Variants in NAALADL2 observed in about 807,000 individuals in gnomAD.
NAALADL2 encodes N-acetylated alpha-linked acidic dipeptidase like 2, also known as inactive N-acetylated-alpha-linked acidic dipeptidase-like protein 2.
In NAALADL2, 76 loss-of-function variants were observed where a neutral mutation model predicts 87.2. That is an observed-to-expected ratio of 0.87 (90% CI 0.72 to 1.05). NAALADL2 has a LOEUF of 1.05. NAALADL2 is among the 50% of genes least tolerant of loss of function. The pLI is 0.00. For missense variants in NAALADL2, 1,089 were observed against 945.8 expected, an observed-to-expected ratio of 1.15 and a Z score of -1.99; for synonymous variants, 354 against 331.0, an observed-to-expected ratio of 1.07 and a Z score of -0.75.
intron 6 of NAALADL2, among the ~76,000 whole-genome samples, chr3:175,456,796 A>T (rs574181678): frequency 4.6e-5 from 7 of 151,990 alleles, no homozygotes; most frequent in Non-Finnish European, 1.0e-4. Flanking sequence ...TCCCAGTAAC[A>T]TCCTAAATTA....
At chr3:174,787,576 C>CATATATATATATATATATATATATAT (rs71300440) in intron 3 of NAALADL2, among the ~76,000 whole-genome samples, 1 of 14,728 alleles carries the variant, frequency 6.8e-5, no homozygotes, top group Non-Finnish European at 1.5e-4. Flanking sequence ...AATATATCAT[C>CATATATATATATATATATATATATAT]ATATATATAT....
chr3:175,292,851 C>T (rs1200688131), intron 4 of NAALADL2, among the ~76,000 whole-genome samples: 1 of 151,740 alleles, frequency 6.6e-6, no homozygotes, highest in Non-Finnish European at 1.5e-5. Flanking sequence ...TCCTGGCTAA[C>T]ACGGTGAAAC....
intron 2 of NAALADL2, among the ~76,000 whole-genome samples, chr3:175,126,856 CTTT>C (rs201786673): frequency 8.8e-4 from 124 of 140,308 alleles, no homozygotes; most frequent in African/African-American, 3.1e-3. Context: ...TTCAAGCTAC[CTTT>C]TTTTTTTTTT....
chr3:174,601,427 C>T (rs1179514445), intron 2 of NAALADL2, among the ~76,000 whole-genome samples: 1 of 152,040 alleles, frequency 6.6e-6, no homozygotes, highest in Non-Finnish European at 1.5e-5. Context: ...ACCTGTTTGC[C>T]ATTTGTATGT....
At position 174,937,370 on chromosome 3, in the gene NAALADL2, G is replaced by A. The variant is rs115100967; in HGVS notation, c.43+77920G>A. Reference sequence around the variant, plus strand: ...GTGGTTCCAAAGTTAGTGATTTAGGGCTTTTCAGTAGACAGTAGAATGAAA... The same window carrying A: ...GTGGTTCCAAAGTTAGTGATTTAGGACTTTTCAGTAGACAGTAGAATGAAA... On this transcript the variant is annotated intron_variant, in intron 1 of 13. Transcript: ENST00000454872. 1.5e-3 allele frequency among the ~76,000 whole-genome samples: 222 copies of A among 152,114 alleles called. 2 individuals are homozygous for A. The highest frequency in any genetic ancestry group is 2.2e-3 in the Non-Finnish European group (147 of 67,904).
chr3:175,114,253 G>A (rs1724722815), intron 2 of NAALADL2, among the ~76,000 whole-genome samples: 1 of 151,588 alleles, frequency 6.6e-6, no homozygotes, highest in Admixed American at 6.6e-5. Context: ...CTCATTGGAG[G>A]ACTATTAAAT....
At chr3:174,608,896 T>C (rs1436877124) in intron 2 of NAALADL2, among the ~76,000 whole-genome samples, 1 of 151,944 alleles carries the variant, frequency 6.6e-6, no homozygotes, top group Non-Finnish European at 1.5e-5. Context: ...TTGATGAACA[T>C]TGATGCAAAA....
chr3:175,317,632 T>C (rs1319372431), intron 4 of NAALADL2, among the ~76,000 whole-genome samples: 1 of 152,090 alleles, frequency 6.6e-6, no homozygotes, highest in Non-Finnish European at 1.5e-5. Flanking sequence ...TGGTTATAGA[T>C]GGATAAGTGG....
In NAALADL2 at chr3:175,338,622, AACACACACACACAC is replaced by A. The variant is rs202022603; in HGVS notation, c.1090+14325_1090+14338del. 5.9e-4 allele frequency among the ~76,000 whole-genome samples: 52 copies of A among 88,468 alleles called. No individual in the cohort carries two copies. The South Asian group carries it at 8.2e-3, about 14-fold the overall frequency. The allele number at this position is 88,468 out of a possible 152,430, so 58.0% of individuals were successfully genotyped here. On this transcript the variant is annotated intron_variant, in intron 5 of 13. Coordinates refer to ENST00000454872, the MANE Select transcript of NAALADL2 (RefSeq NM_207015.3). ...AAAAAAAAAAAAAAAAAACACCACAAACACACACACACACACACACACACACACACACACACACA... is the reference window on the plus strand; with the variant it reads ...AAAAAAAAAAAAAAAAAACACCACAAACACACACACACACACACACACACA...
At chr3:174,600,555 T>C (rs1220162743) in intron 2 of NAALADL2, among the ~76,000 whole-genome samples, 1 of 152,260 alleles carries the variant, frequency 6.6e-6, no homozygotes, top group East Asian at 1.9e-4. Context: ...ATTTTTAATT[T>C]TTGTGAGTAC....
At chr3:174,794,430 G>A (rs1380111599) in intron 3 of NAALADL2, among the ~76,000 whole-genome samples, 1 of 151,774 alleles carries the variant, frequency 6.6e-6, no homozygotes, top group Non-Finnish European at 1.5e-5. Context: ...TGAAGGATGG[G>A]GAATGAAAGA....
At chr3:175,795,422 C>T (rs572700224) in intron 13 of NAALADL2, among the ~76,000 whole-genome samples, 48 of 152,074 alleles carry the variant, frequency 3.2e-4, no homozygotes, top group Admixed American at 3.3e-4. Flanking sequence ...GCCTGTAATC[C>T]CAGCATTTTG....
At chr3:175,169,346 C>T (rs182606680) in intron 2 of NAALADL2, among the ~76,000 whole-genome samples, 19 of 151,402 alleles carry the variant, frequency 1.3e-4, no homozygotes, top group African/African-American at 3.1e-4. Context: ...TTTAAGTTCT[C>T]GTTCTGCTAC....
At chr3:175,205,617 G>A (rs1319573354) in intron 2 of NAALADL2, among the ~76,000 whole-genome samples, 1 of 152,082 alleles carries the variant, frequency 6.6e-6, no homozygotes, top group Non-Finnish European at 1.5e-5. Context: ...AAACTAAAGA[G>A]CTTTTGCATG....
chr3:175,466,081 C>T (rs368682051), intron 7 of NAALADL2, among the ~76,000 whole-genome samples: 9 of 152,292 alleles, frequency 5.9e-5, no homozygotes, highest in African/African-American at 2.2e-4. Flanking sequence ...CAACTAGTGA[C>T]TTGCACAGCC....
At chr3:174,927,539 T>C (rs1736251666) in intron 1 of NAALADL2, among the ~76,000 whole-genome samples, 2 of 152,094 alleles carry the variant, frequency 1.3e-5, no homozygotes, top group African/African-American at 4.8e-5. Flanking sequence ...AAACTAGAAC[T>C]CAGGTTTAAG....
At chr3:175,097,694 C>G (rs1325690505) in intron 2 of NAALADL2, among the ~76,000 whole-genome samples, 1 of 152,020 alleles carries the variant, frequency 6.6e-6, no homozygotes, top group Non-Finnish European at 1.5e-5. Flanking sequence ...GCTTTATGGG[C>G]TGAAGTAACT....
chr3:175,699,580 T>G (rs142198022), intron 11 of NAALADL2, among the ~76,000 whole-genome samples: 13 of 152,166 alleles, frequency 8.5e-5, no homozygotes, highest in African/African-American at 2.9e-4. Context: ...AGAAATTCAC[T>G]TCTCCGATTA....
At chr3:174,814,195 A>AC (rs932916635) in intron 3 of NAALADL2, among the ~76,000 whole-genome samples, 1 of 151,618 alleles carries the variant, frequency 6.6e-6, no homozygotes, top group South Asian at 2.1e-4. Flanking sequence ...TGCAAGCTCC[A>AC]CCCCCCGGGT....
Sources: gnomAD v4.1 joint callset for allele counts (sites outside exome capture counted in the v4.1 genomes callset) on GRCh38, gnomAD v4.1.1 for gene constraint, MANE v1.5 for transcripts, NCBI Gene and HGNC (gene_info 2026-07-23, HGNC 2026-07-21) for gene names.